SHANK2: variants seen among roughly 807,000 people sequenced by gnomAD.
SHANK2 encodes SH3 and multiple ankyrin repeat domains protein 2.
A neutral mutation model predicts 133.7 loss-of-function variants in SHANK2; 43 were observed. The observed-to-expected ratio is 0.32, with a 90% CI of 0.25 to 0.41. SHANK2 has a LOEUF of 0.41. Among genes scored for constraint, SHANK2 ranks in the 10% least tolerant of loss-of-function variants. The probability of loss-of-function intolerance (pLI) is 1.00; values close to 1 mark genes in which losing one functional copy is unlikely to be tolerated. For synonymous variants in SHANK2, 1,017 were observed against 952.8 expected (o/e 1.07, Z -1.24); for missense variants, 1,994 against 2,235.8 (o/e 0.89, Z 2.18).
In SHANK2 at chr11:70,720,836, C is replaced by G. The variant is rs140623179; in HGVS notation, c.1778-22073G>C. On this transcript the variant is annotated intron_variant, in intron 14 of 25. Coordinates refer to ENST00000601538, the MANE Select transcript of SHANK2 (RefSeq NM_012309.5). ...ACACACATGCTCACATACATGCAAA[C>G]ACATCTTCACACACACGTACATGTA... Among the ~76,000 whole-genome samples the G allele has an allele frequency of 5.0e-3, 769 of 152,344 alleles. 5 individuals carry two copies. The highest frequency in any genetic ancestry group is 0.018 in the African/African-American group (731 of 41,580).
chr11:71,099,138 T>C (rs1351297624), intron 6 of SHANK2, among the ~76,000 whole-genome samples: 5 of 152,112 alleles, frequency 3.3e-5, no homozygotes, highest in South Asian at 2.1e-4. Flanking sequence ...TCTGAAACTG[T>C]CCAGGTCATC....
At chr11:70,526,854 C>T (rs74756963) in intron 17 of SHANK2, among the ~76,000 whole-genome samples, 14,438 of 151,384 alleles carry the variant, frequency 0.095, 1,043 homozygotes, top group East Asian at 0.37. Flanking sequence ...CTGGCCCCCT[C>T]GGAATCACAT....
chr11:70,541,038 T>A (rs1299299754), intron 17 of SHANK2, among the ~76,000 whole-genome samples: 1 of 152,136 alleles, frequency 6.6e-6, no homozygotes, highest in Non-Finnish European at 1.5e-5. Context: ...TCCATGGACT[T>A]CGCTACTCTA....
At chr11:70,909,284 A>G (rs1950154485) in intron 10 of SHANK2, among the ~76,000 whole-genome samples, 3 of 152,196 alleles carry the variant, frequency 2.0e-5, no homozygotes. Context: ...GTGAGCCCAC[A>G]GGGCAGTTAG....
At chr11:70,817,239 G>A (rs1590717038) in intron 12 of SHANK2, among the ~76,000 whole-genome samples, 3 of 152,236 alleles carry the variant, frequency 2.0e-5, no homozygotes, top group African/African-American at 7.2e-5. Context: ...GCAGGTCCTA[G>A]TTAGGACACG....
At chr11:70,709,344 G>A (rs1315052783) in intron 14 of SHANK2, among the ~76,000 whole-genome samples, 1 of 152,256 alleles carries the variant, frequency 6.6e-6, no homozygotes, top group African/African-American at 2.4e-5. Flanking sequence ...GGGCCCAGGA[G>A]CCTGGGCAGG....
chr11:71,151,701 G>A (rs1430833318), intron 2 of SHANK2, among the ~76,000 whole-genome samples: 2 of 152,140 alleles, frequency 1.3e-5, no homozygotes, highest in African/African-American at 2.4e-5. Flanking sequence ...GGGGGAGCCC[G>A]CAGCTCAGAG....
At chr11:70,795,049 G>T (rs889201906) in intron 14 of SHANK2, among the ~76,000 whole-genome samples, 1 of 152,104 alleles carries the variant, frequency 6.6e-6, no homozygotes. Flanking sequence ...GCAGAACCCA[G>T]CAGGAACCAC....
At chr11:70,757,030 T>C (rs558367925) in intron 14 of SHANK2, among the ~76,000 whole-genome samples, 3 of 152,258 alleles carry the variant, frequency 2.0e-5, no homozygotes, top group African/African-American at 7.2e-5. Context: ...TTGGCAAGGA[T>C]TATGGAGGGG....
intron 17 of SHANK2, among the ~76,000 whole-genome samples, chr11:70,589,626 GC>G (rs1338036448): frequency 6.6e-6 from 1 of 152,198 alleles, no homozygotes; most frequent in Non-Finnish European, 1.5e-5. Flanking sequence ...GGCTATAGCT[GC>G]CATAAATAGT....
chr11:71,060,635 G>T (rs922171812), intron 9 of SHANK2, among the ~76,000 whole-genome samples: 14 of 152,250 alleles, frequency 9.2e-5, no homozygotes, highest in Non-Finnish European at 4.4e-5. Context: ...AGCAGGGGAG[G>T]GACAGATGCC....
chr11:70,671,738 A>C (rs996537076), intron 15 of SHANK2, among the ~76,000 whole-genome samples: 1 of 152,176 alleles, frequency 6.6e-6, no homozygotes, highest in Non-Finnish European at 1.5e-5. Context: ...GGGTCTCTGC[A>C]CACAGGGCTG....
In SHANK2 at chr11:70,492,390, G is replaced by C. The variant is rs368317106; in HGVS notation, c.2384C>G (p.Ala795Gly). ...GCTGCTGGGCCGCTGCTTGATGGTC[G>C]CCACCCTCGGTTCCACAGCCATGTT... ...AENMAVEPRV[A>G]TIKQRPSSRC... is the part of the protein sequence containing the mutation. The change falls in exon 22 of 26, where the codon GCG becomes GGG. Residue 795 changes from alanine (A) to glycine (G), a missense_variant. Physicochemically the swap from Ala to Gly is moderately conservative, Grantham distance 60. This residue lies in a region of SHANK2 where 488 missense variants were observed against 642.6 expected (regional missense o/e 0.76). Transcript: ENST00000601538. 5 of 1,613,338 alleles carry C rather than the reference G, an allele frequency of 3.1e-6. No individual in the cohort carries two copies. Among genetic ancestry groups the C allele is most frequent in the Non-Finnish European group, 4.2e-6 (5 of 1,180,044 alleles).
intron 14 of SHANK2, among the ~76,000 whole-genome samples, chr11:70,740,616 G>A (rs1277029678): frequency 6.6e-6 from 1 of 152,126 alleles, no homozygotes; most frequent in East Asian, 1.9e-4. Context: ...GGTTGGATAG[G>A]CCCCAGCAAG....
At chr11:70,941,102 G>A (rs1439337551) in intron 10 of SHANK2, among the ~76,000 whole-genome samples, 1 of 152,182 alleles carries the variant, frequency 6.6e-6, no homozygotes, top group Non-Finnish European at 1.5e-5. Flanking sequence ...TTCCTCATAA[G>A]CTTGTCGGTA....
intron 17 of SHANK2, among the ~76,000 whole-genome samples, chr11:70,540,438 G>A (rs1471778208): frequency 2.0e-5 from 3 of 152,066 alleles, no homozygotes; most frequent in Non-Finnish European, 2.9e-5. Context: ...CTGCGGAGTC[G>A]GAGTGATGAG....
chr11:70,539,786 G>GCTC (rs1283049539), intron 17 of SHANK2, among the ~76,000 whole-genome samples: 1 of 152,166 alleles, frequency 6.6e-6, no homozygotes, highest in Admixed American at 6.5e-5. Context: ...GGGGGCCGTA[G>GCTC]CAGAGGGCCT....
intron 14 of SHANK2, among the ~76,000 whole-genome samples, chr11:70,725,250 A>G (rs1946154987): frequency 6.6e-6 from 1 of 152,250 alleles, no homozygotes; most frequent in African/African-American, 2.4e-5. Flanking sequence ...TACAATATTC[A>G]TAAATGCCAC....
At chr11:71,195,127 T>A (rs1953874585) in intron 2 of SHANK2, among the ~76,000 whole-genome samples, 1 of 152,176 alleles carries the variant, frequency 6.6e-6, no homozygotes, top group African/African-American at 2.4e-5. Flanking sequence ...GTGTGGTGGC[T>A]GACGCCTGTA....
Sources: allele counts gnomAD v4.1 joint callset (sites outside exome capture counted in the v4.1 genomes callset), GRCh38; gene constraint gnomAD v4.1.1; regional missense constraint gnomAD v4.1.1; transcripts MANE v1.5; gene names NCBI Gene and HGNC (gene_info 2026-07-23, HGNC 2026-07-21).